RASA2: variants seen among roughly 807,000 people sequenced by gnomAD.
RASA2 encodes RAS p21 protein activator 2, also known as ras GTPase-activating protein 2.
Under a neutral mutation model 118.2 loss-of-function variants are expected in RASA2, and 155 were observed. That is an observed-to-expected ratio of 1.31 (90% confidence interval 1.15 to 1.50). The LOEUF is 1.50. Among genes scored for constraint, RASA2 ranks in the 40% most tolerant of loss-of-function variants. The pLI, the probability that RASA2 is intolerant of heterozygous loss-of-function variation, is 0.00. For missense variants in RASA2, 1,016 were observed against 1,009.6 expected (o/e 1.01, Z -0.09); for synonymous variants, 353 against 349.1 (o/e 1.01, Z -0.12).
chr3:141,570,882 C>G (rs768382615), intron 9 of RASA2, 30 bp from the exon 10 acceptor site: 1 of 1,575,492 alleles, frequency 6.3e-7, no homozygotes, highest in Admixed American at 2.0e-5. Flanking sequence ...GCATTTCCAT[C>G]ACATGGAATC....
At chr3:141,562,150 A>G (rs1187299261) in intron 9 of RASA2, among the ~76,000 whole-genome samples, 1 of 151,352 alleles carries the variant, frequency 6.6e-6, no homozygotes, top group Admixed American at 6.6e-5. Flanking sequence ...ACGGGGTTTT[A>G]ACTATGTTGG....
At chr3:141,529,182 TTAA>T (rs2082223786) in intron 3 of RASA2, among the ~76,000 whole-genome samples, 1 of 152,098 alleles carries the variant, frequency 6.6e-6, no homozygotes, top group Non-Finnish European at 1.5e-5. Context: ...AAGTAAATTC[TTAA>T]TAATAAAATT....
intron 19 of RASA2, among the ~76,000 whole-genome samples, chr3:141,594,335 A>G (rs1254978168): frequency 6.6e-6 from 1 of 151,462 alleles, no homozygotes; most frequent in African/African-American, 2.4e-5. Flanking sequence ...CTAGAAGGAG[A>G]GTAGAGAAAG....
At chr3:141,600,970 A>G (rs922258171) in intron 19 of RASA2, among the ~76,000 whole-genome samples, 1 of 152,238 alleles carries the variant, frequency 6.6e-6, no homozygotes, top group African/African-American at 2.4e-5. Context: ...TGGACAGAGC[A>G]GAAAGAAACA....
chr3:141,516,628 T>A (rs1228579762), intron 3 of RASA2, among the ~76,000 whole-genome samples, 197 bp downstream of exon 3: 1 of 152,188 alleles, frequency 6.6e-6, no homozygotes, highest in African/African-American at 2.4e-5. Flanking sequence ...AGGGAGGCCT[T>A]TGCAGCTCCC....
chr3:141,497,037 C>T (rs1448708453), intron 1 of RASA2, among the ~76,000 whole-genome samples: 1 of 151,728 alleles, frequency 6.6e-6, no homozygotes, highest in Non-Finnish European at 1.5e-5. Flanking sequence ...AAGCTGGAAA[C>T]CATCATTCTC....
At chr3:141,573,033 G>T (rs1391547170) in intron 12 of RASA2, 114 bp from the exon 13 acceptor site, 2 of 922,218 alleles carry the variant, frequency 2.2e-6, no homozygotes, top group Non-Finnish European at 1.6e-6. Flanking sequence ...GACATTTTAC[G>T]CTTTGCTACA....
At chr3:141,516,818 G>T (rs2082034687) in intron 3 of RASA2, among the ~76,000 whole-genome samples, 1 of 149,876 alleles carries the variant, frequency 6.7e-6, no homozygotes, top group Admixed American at 6.7e-5. Context: ...CTATCTCCCA[G>T]GCTGGACTGC....
chr3:141,515,838 TGTG>T, intron 2 of RASA2, among the ~76,000 whole-genome samples: 1 of 149,486 alleles, frequency 6.7e-6, no homozygotes, highest in East Asian at 2.0e-4. Flanking sequence ...AGCTGGAGGT[TGTG>T]GTGAGCTGAG....
chr3:141,519,618 GA>G (rs2082081215), intron 3 of RASA2, among the ~76,000 whole-genome samples: 1 of 152,146 alleles, frequency 6.6e-6, no homozygotes, highest in African/African-American at 2.4e-5. Context: ...TGCTGAAAGT[GA>G]AAGAAAAGAC....
At chr3:141,577,507 TA>T (rs1269033634) in intron 15 of RASA2, among the ~76,000 whole-genome samples, 8 of 152,202 alleles carry the variant, frequency 5.3e-5, no homozygotes, top group Non-Finnish European at 1.0e-4. Context: ...ATTTTGCAGA[TA>T]TTTTTAAATT....
At chr3:141,491,937 T>G (rs1007446168) in intron 1 of RASA2, among the ~76,000 whole-genome samples, 2 of 152,234 alleles carry the variant, frequency 1.3e-5, no homozygotes, top group Non-Finnish European at 2.9e-5. Flanking sequence ...CCAGTAAAGT[T>G]GAGTGGAAGA....
chr3:141,518,260 G>A lies in RASA2; in HGVS notation c.355+1829G>A, dbSNP rs149091305. The stretch of plus-strand genomic sequence containing the variant: ...CTAGCACTTTGGGAGGCCGAGGTGG[G>A]CAGATCACGAGGTCAGGAGTTCAAG... On this transcript the variant is annotated intron_variant, in intron 3 of 23. Transcript: ENST00000286364. Among the ~76,000 whole-genome samples, 31 of 151,448 alleles carry A rather than the reference G, an allele frequency of 2.0e-4. No individual in the cohort carries two copies. In the East Asian group the frequency reaches 5.4e-3, roughly 26 times the overall value.
intron 4 of RASA2, among the ~76,000 whole-genome samples, chr3:141,538,370 T>C (rs1336213311): frequency 1.3e-5 from 2 of 152,244 alleles, no homozygotes; most frequent in East Asian, 1.9e-4. Flanking sequence ...GAAAATTAAA[T>C]TGGTAGTATG....
chr3:141,548,842 G>C (rs548909435), intron 5 of RASA2, among the ~76,000 whole-genome samples: 31 of 152,162 alleles, frequency 2.0e-4, no homozygotes, highest in South Asian at 8.3e-4. Context: ...ACCTATTGCT[G>C]TAGTCATTTT....
At position 141,489,256 on chromosome 3, in the gene RASA2, T is replaced by C. The variant is rs541986314; in HGVS notation, c.133+2040T>C. Among the ~76,000 whole-genome samples, 9 of 152,376 alleles carry C rather than the reference T, an allele frequency of 5.9e-5. No homozygotes were observed. In the South Asian group the frequency reaches 1.7e-3, roughly 28 times the overall value. On this transcript the variant is annotated intron_variant, in intron 1 of 23. Coordinates refer to ENST00000286364, the MANE Select transcript of RASA2 (RefSeq NM_006506.5). ...AAAAAAAAATGTATTTGTATACTTA[T>C]ATACAGAAGCTCTCTTCCCATTTCT...
intron 19 of RASA2, among the ~76,000 whole-genome samples, chr3:141,587,280 T>TAC (rs2083218957): frequency 6.6e-6 from 1 of 152,256 alleles, no homozygotes; most frequent in African/African-American, 2.4e-5. Flanking sequence ...CTGTTGCCTT[T>TAC]ACAAGTGGGC....
At chr3:141,592,592 C>T (rs925808084) in intron 19 of RASA2, among the ~76,000 whole-genome samples, 2 of 151,978 alleles carry the variant, frequency 1.3e-5, no homozygotes, top group African/African-American at 4.8e-5. Flanking sequence ...ACAAGGAGAG[C>T]AGTTAAGAGA....
At chr3:141,516,177 G>A in intron 2 of RASA2, 151 bp from the exon 3 acceptor site, 2 of 448,066 alleles carry the variant, frequency 4.5e-6, no homozygotes, top group Non-Finnish European at 6.1e-6. Flanking sequence ...TTGTGCACAT[G>A]TACCCTAGAA....
Sources: gnomAD v4.1 joint callset for allele counts (sites outside exome capture counted in the v4.1 genomes callset) on GRCh38, gnomAD v4.1.1 for gene constraint, MANE v1.5 for transcripts, NCBI Gene and HGNC (gene_info 2026-07-23, HGNC 2026-07-21) for gene names.